GPC5: variants seen among roughly 807,000 people sequenced by gnomAD.
The protein encoded by GPC5 is glypican 5.
GPC5 carries 47 observed loss-of-function variants against 53.9 expected under a neutral mutation model. The ratio of observed to expected loss-of-function variants is 0.87; its 90% CI spans 0.69 to 1.11. The LOEUF is 1.11. Among genes scored for constraint, GPC5 ranks in the 50% most tolerant of loss-of-function variants. The probability of loss-of-function intolerance (pLI) is 0.00; values close to 1 mark genes in which losing one functional copy is unlikely to be tolerated. For synonymous variants in GPC5, 286 were observed against 263.3 expected, an observed-to-expected ratio of 1.09 and a Z score of -0.84; for missense variants, 748 against 713.1, an observed-to-expected ratio of 1.05 and a Z score of -0.56.
chr13:92,309,142 G>A (rs1473037842), intron 7 of GPC5, among the ~76,000 whole-genome samples: 2 of 152,072 alleles, frequency 1.3e-5, no homozygotes, highest in Non-Finnish European at 1.5e-5. Flanking sequence ...TGTGCACATT[G>A]TGTTAGTATA....
intron 1 of GPC5, among the ~76,000 whole-genome samples, chr13:91,436,347 C>G (rs1351734830): frequency 6.6e-6 from 1 of 151,802 alleles, no homozygotes; most frequent in Non-Finnish European, 1.5e-5. Context: ...TCCCTCTACA[C>G]ACTGCTTTGA....
intron 4 of GPC5, among the ~76,000 whole-genome samples, chr13:91,746,197 T>G (rs1392385687): frequency 1.3e-5 from 2 of 152,192 alleles, no homozygotes; most frequent in Non-Finnish European, 2.9e-5. Flanking sequence ...TGCTCATTAG[T>G]GCCACATTAA....
In GPC5 at chr13:91,952,179, C is replaced by G. The variant is rs879836450; in HGVS notation, c.1401+44122C>G. ...CATTTTGGGTGATCTCTCTTTCTCT[C>G]TCTCTCTCTCTGTGTGTGTGTGTGT... is the stretch of plus-strand genomic sequence containing the variant. On this transcript the variant is annotated intron_variant, in intron 6 of 7. Coordinates refer to ENST00000377067, the MANE Select transcript of GPC5 (RefSeq NM_004466.6). 2.9e-3 allele frequency among the ~76,000 whole-genome samples: 296 copies of G among 100,980 alleles called. 1 individual carries two copies. Among genetic ancestry groups the G allele is most frequent in the Non-Finnish European group, 4.7e-3 (218 of 46,154 alleles). The allele number at this position is 100,980 out of a possible 152,430, so 66.2% of individuals were successfully genotyped here.
chr13:92,264,448 C>A (rs933595001), intron 7 of GPC5, among the ~76,000 whole-genome samples: 1 of 152,040 alleles, frequency 6.6e-6, no homozygotes, highest in Non-Finnish European at 1.5e-5. Flanking sequence ...TGGTGGTTTT[C>A]ATTAGTTTTT....
chr13:92,641,840 G>T (rs545492780), intron 7 of GPC5, among the ~76,000 whole-genome samples: 4 of 152,256 alleles, frequency 2.6e-5, no homozygotes, highest in Admixed American at 2.6e-4. Context: ...GGCAGAAAGG[G>T]AGTGGTAGGC....
chr13:91,410,495 G>A (rs770604935), intron 1 of GPC5, among the ~76,000 whole-genome samples: 11 of 146,540 alleles, frequency 7.5e-5, no homozygotes, highest in Admixed American at 1.4e-4. Context: ...ACAGGCACCC[G>A]CCACCACACC....
chr13:91,760,817 G>A (rs2037394693), intron 5 of GPC5, among the ~76,000 whole-genome samples: 1 of 152,144 alleles, frequency 6.6e-6, no homozygotes, highest in Non-Finnish European at 1.5e-5. Flanking sequence ...AGATGAAAAT[G>A]TCTCAAATAT....
rs183542786 is a variant in GPC5 at position 91,710,896 on chromosome 13, T to C, written c.1020+17015T>C. Among the ~76,000 whole-genome samples, 17 of 152,342 alleles carry C rather than the reference T, an allele frequency of 1.1e-4. No homozygotes were observed. The East Asian group carries it at 3.3e-3, about 29-fold the overall frequency. On this transcript the variant is annotated intron_variant, in intron 3 of 7. Coordinates refer to ENST00000377067, the MANE Select transcript of GPC5 (RefSeq NM_004466.6). ...ATCTTAATTAAGTTCAGGGAAAGCC[T>C]ACACACAATAGTCATCTCCTAGAGG...
intron 6 of GPC5, among the ~76,000 whole-genome samples, chr13:91,986,669 G>A (rs968869651): frequency 2.6e-5 from 4 of 152,122 alleles, no homozygotes; most frequent in Admixed American, 1.3e-4. Context: ...ACAGTAATTA[G>A]ACATGTATAT....
intron 2 of GPC5, among the ~76,000 whole-genome samples, chr13:91,626,510 C>G (rs550699620): frequency 6.6e-6 from 1 of 152,086 alleles, no homozygotes; most frequent in African/African-American, 2.4e-5. Context: ...TCTCTATGCA[C>G]GCAGGAAGAT....
intron 7 of GPC5, among the ~76,000 whole-genome samples, chr13:92,615,569 G>A (rs1241268177): frequency 1.3e-5 from 2 of 151,990 alleles, no homozygotes; most frequent in Non-Finnish European, 2.9e-5. Flanking sequence ...TCCTGAACCG[G>A]CTTTTAAAAT....
chr13:92,099,064 G>A (rs749498376), intron 6 of GPC5, among the ~76,000 whole-genome samples: 13 of 151,330 alleles, frequency 8.6e-5, no homozygotes, highest in South Asian at 4.2e-4. Flanking sequence ...TAGACCCTGC[G>A]TCTAATTGAT....
chr13:92,659,290 T>A (rs1886253599), intron 7 of GPC5: 1 of 152,180 alleles, frequency 6.6e-6, no homozygotes, highest in African/African-American at 2.4e-5. Flanking sequence ...GGTCTTTCTT[T>A]TGCTATTGAA....
At chr13:92,579,438 A>G (rs1193153348) in intron 7 of GPC5, among the ~76,000 whole-genome samples, 1 of 151,602 alleles carries the variant, frequency 6.6e-6, no homozygotes, top group Non-Finnish European at 1.5e-5. Context: ...GGGCAACAGG[A>G]TACACTTGCT....
intron 7 of GPC5, among the ~76,000 whole-genome samples, chr13:92,583,039 G>C (rs1179034112): frequency 1.3e-5 from 2 of 151,738 alleles, no homozygotes; most frequent in Non-Finnish European, 3.0e-5. Context: ...AATGAAAGTG[G>C]TAAGAGTGGA....
chr13:91,657,471 G>A (rs1360440001), intron 2 of GPC5, among the ~76,000 whole-genome samples: 1 of 152,082 alleles, frequency 6.6e-6, no homozygotes, highest in Non-Finnish European at 1.5e-5. Flanking sequence ...AGCTCAGAGT[G>A]GGTTGCGGAT....
intron 7 of GPC5, among the ~76,000 whole-genome samples, chr13:92,527,107 AAAAAG>A (rs1566276323): frequency 2.5e-5 from 1 of 39,984 alleles, no homozygotes; most frequent in Non-Finnish European, 5.4e-5. Context: ...AAAAGAAAGA[AAAAAG>A]AAAGAAAGAA....
At chr13:92,765,750 G>A (rs1226791187) in intron 7 of GPC5, among the ~76,000 whole-genome samples, 5 of 152,208 alleles carry the variant, frequency 3.3e-5, no homozygotes, top group African/African-American at 1.2e-4. Context: ...TTTTACCCAT[G>A]ATAACATTTG....
intron 7 of GPC5, among the ~76,000 whole-genome samples, chr13:92,292,893 A>G (rs779973600): frequency 4.6e-5 from 7 of 151,950 alleles, no homozygotes; most frequent in Non-Finnish European, 8.8e-5. Context: ...TGGCTAGCCA[A>G]TTATCCCAGC....
Sources: gnomAD v4.1 joint callset for allele counts (sites outside exome capture counted in the v4.1 genomes callset) on GRCh38, gnomAD v4.1.1 for gene constraint, MANE v1.5 for transcripts, NCBI Gene and HGNC (gene_info 2026-07-23, HGNC 2026-07-21) for gene names.